The following TXNDC9 variants were observed in gnomAD, a reference collection of about 807,000 sequenced individuals.
TXNDC9 encodes thioredoxin domain-containing protein 9.
In TXNDC9, 7 loss-of-function variants were observed where a neutral mutation model predicts 23.0. The observed-to-expected ratio is 0.30, with a 90% CI of 0.17 to 0.57. The LOEUF (loss-of-function observed/expected upper bound fraction) is 0.57, where lower values mean the gene tolerates loss of function less well. Among genes scored for constraint, TXNDC9 ranks in the 20% least tolerant of loss-of-function variants. TXNDC9 has a pLI of 0.90. For missense variants in TXNDC9, 198 were observed against 252.6 expected, an observed-to-expected ratio of 0.78 and a Z score of 1.47; for synonymous variants, 72 against 90.6, an observed-to-expected ratio of 0.79 and a Z score of 1.17.
intron 3 of TXNDC9, among the ~76,000 whole-genome samples, chr2:99,327,134 G>A (rs983159574): frequency 5.9e-5 from 9 of 151,680 alleles, no homozygotes; most frequent in African/African-American, 9.7e-5. Context: ...GTGCAGTGTC[G>A]CGATCTCCGC....
chr2:99,325,079 A>AT (rs2094210170), intron 3 of TXNDC9, among the ~76,000 whole-genome samples: 2 of 152,214 alleles, frequency 1.3e-5, no homozygotes, highest in Non-Finnish European at 2.9e-5. Context: ...AACAACAGTC[A>AT]TGGTATAAAT....
intron 4 of TXNDC9, among the ~76,000 whole-genome samples, chr2:99,320,235 T>C (rs1000014715): frequency 3.6e-4 from 55 of 152,188 alleles, no homozygotes; most frequent in Non-Finnish European, 2.1e-4. Flanking sequence ...CTTGAACTCT[T>C]AGGCTCAAGC....
the TXNDC9 span, among the ~76,000 whole-genome samples, chr2:99,307,109 A>C: frequency 1.5e-4 from 13 of 83,992 alleles, no homozygotes; most frequent in African/African-American, 2.8e-4. Context: ...TCTCCTTCTC[A>C]CTCTCTCTCT....
chr2:99,306,903 C>T, the TXNDC9 span: 23 of 382,658 alleles, frequency 6.0e-5, no homozygotes, highest in Non-Finnish European at 1.0e-4. Context: ...AGCCCAAAAA[C>T]CTGTCTGGGC....
the TXNDC9 span, among the ~76,000 whole-genome samples, chr2:99,310,850 C>T: frequency 2.0e-5 from 3 of 152,320 alleles, no homozygotes; most frequent in South Asian, 2.1e-4. Flanking sequence ...CAGTGGGCAA[C>T]GCAGCCACAT....
At chr2:99,313,055 G>A in the TXNDC9 span, among the ~76,000 whole-genome samples, 2 of 151,984 alleles carry the variant, frequency 1.3e-5, no homozygotes, top group Admixed American at 6.6e-5. Context: ...ACAGCTACTC[G>A]GGAGGCTGAG....
chr2:99,309,605 A>G, the TXNDC9 span, among the ~76,000 whole-genome samples: 126,212 of 151,872 alleles, frequency 0.83, 53,048 homozygotes, highest in Middle Eastern at 0.97. Context: ...AGGCTGAGGT[A>G]GGTGGATCAC....
chr2:99,308,650 G>A, the TXNDC9 span, among the ~76,000 whole-genome samples: 1 of 151,548 alleles, frequency 6.6e-6, no homozygotes, highest in Non-Finnish European at 1.5e-5. Context: ...AGGAGGATGA[G>A]TACGATGTGA....
chr2:99,317,323 A>G (rs1379955089), downstream of TXNDC9, among the ~76,000 whole-genome samples: 1 of 152,180 alleles, frequency 6.6e-6, no homozygotes, highest in Non-Finnish European at 1.5e-5. Flanking sequence ...ACTGTGTCAC[A>G]GCAGCTCTGG....
the TXNDC9 span, among the ~76,000 whole-genome samples, chr2:99,308,126 G>A: frequency 6.6e-6 from 1 of 152,152 alleles, no homozygotes; most frequent in African/African-American, 2.4e-5. Context: ...TCCAGCATAG[G>A]ATGATCCTTC....
intron 2 of TXNDC9, among the ~76,000 whole-genome samples, chr2:99,329,966 C>CAA (rs70940164): frequency 6.3e-5 from 9 of 143,964 alleles, no homozygotes; most frequent in South Asian, 2.2e-4. Flanking sequence ...GACCCTGTCT[C>CAA]AAAAAAAAAA....
At chr2:99,321,510 A>C (rs2094201684) in intron 4 of TXNDC9, 1 of 153,190 alleles carries the variant, frequency 6.5e-6, no homozygotes, top group Admixed American at 6.5e-5. Context: ...TCCATGTTAA[A>C]AATCTAGTAT....
Position 99,321,968 on chromosome 2 carries a change from T to A in TXNDC9, c.550A>T (p.Ile184Phe). ...GTTAAAAGTTACCTGTAATTAAGAA[T>A]GTCAGAAGAACCGAGCCTCCATTCT... is the stretch of plus-strand genomic sequence containing the variant. ...TLEWRLGSSD[I>F]LNYSGNLMEP... The change falls in exon 4 of 5, where the codon ATT (isoleucine) becomes TTT (phenylalanine). Residue 184 changes from isoleucine to phenylalanine, a missense_variant. Transcript: ENST00000264255. 6.2e-7 allele frequency: 1 copy of A among 1,609,208 alleles called. No homozygotes were observed.
Position 99,321,981 on chromosome 2 carries a change from G to C in TXNDC9, c.537C>G (p.Leu179=). The C allele has an allele frequency of 1.2e-6, 2 of 1,611,490 alleles. No homozygotes were observed. Among genetic ancestry groups the C allele is most frequent in the South Asian group, 1.1e-5 (1 of 90,410 alleles). ...DFTTETLEWR[L]GSSDILNYSG... ...TGTAATTAAGAATGTCAGAAGAACC[G>C]AGCCTCCATTCTAAAGTTTCTGTGG... is the stretch of plus-strand genomic sequence containing the variant. Residue 179 remains leucine, a synonymous_variant, in exon 4 of 5, where the codon CTC becomes CTG. Transcript: ENST00000264255.
chr2:99,315,065 T>A (rs573854930), downstream of TXNDC9, among the ~76,000 whole-genome samples: 415 of 147,036 alleles, frequency 2.8e-3, 3 homozygotes, highest in African/African-American at 9.9e-3. Flanking sequence ...CTGGTTAATT[T>A]TTTTTTTTTT....
At chr2:99,314,529 CTTTTTT>C (rs55729391), downstream of TXNDC9, among the ~76,000 whole-genome samples, 2 of 97,446 alleles carry the variant, frequency 2.1e-5, no homozygotes, top group African/African-American at 7.9e-5. Flanking sequence ...AATACTACAC[CTTTTTT>C]TTTTTTTTTT....
At chr2:99,335,149 G>A (rs956622503) in intron 1 of TXNDC9, among the ~76,000 whole-genome samples, 2 of 152,200 alleles carry the variant, frequency 1.3e-5, no homozygotes, top group African/African-American at 4.8e-5. Context: ...CAAAGCAGGA[G>A]GCTGTTGCAT....
In TXNDC9 at chr2:99,319,708, A is replaced by C; in HGVS notation, c.655T>G (p.Tyr219Asp). The change falls in exon 5 of 5, where the codon TAT becomes GAT. Residue 219 changes from tyrosine to aspartate, a missense_variant. By Grantham distance (160) the Tyr-to-Asp change is radical. Coordinates refer to ENST00000264255, the MANE Select transcript of TXNDC9 (RefSeq NM_005783.4). ...LEKKTIRGKK[Y>D]DSDSDDD is the part of the protein sequence containing the mutation. Reference sequence around the variant, plus strand: ...TAATCATCATCAGAGTCTGAATCATATTTCTTTCCTCGGATAGTTTTCTTT... The same window carrying C: ...TAATCATCATCAGAGTCTGAATCATCTTTCTTTCCTCGGATAGTTTTCTTT... The C allele has an allele frequency of 6.2e-7, 1 of 1,600,376 alleles. No homozygotes were observed. The highest frequency in any genetic ancestry group is 8.5e-7 in the Non-Finnish European group (1 of 1,176,010).
chr2:99,330,320 G>A (rs1351851399), intron 2 of TXNDC9, among the ~76,000 whole-genome samples: 177 of 32,736 alleles, frequency 5.4e-3, no homozygotes, highest in East Asian at 9.7e-3. Context: ...AAAAAAAAAA[G>A]CTGCTATTTC....
Sources: allele counts gnomAD v4.1 joint callset (sites outside exome capture counted in the v4.1 genomes callset), GRCh38; gene constraint gnomAD v4.1.1; transcripts MANE v1.5; gene names NCBI Gene and HGNC (gene_info 2026-07-23, HGNC 2026-07-21).